SYNE2: variants seen among roughly 807,000 people sequenced by gnomAD.
SYNE2 encodes spectrin repeat containing nuclear envelope protein 2, also known as nesprin-2.
Under a neutral mutation model 856.3 loss-of-function variants are expected in SYNE2, and 431 were observed. That is an observed-to-expected ratio of 0.50 (90% CI 0.47 to 0.55). The LOEUF is 0.55. Among genes scored for constraint, SYNE2 ranks in the 20% least tolerant of loss-of-function variants. SYNE2 has a pLI of 0.00. For missense variants in SYNE2, 8,129 were observed against 8,023.2 expected (o/e 1.01, Z -0.50); for synonymous variants, 2,923 against 2,872.3 (o/e 1.02, Z -0.56).
In SYNE2 at chr14:64,070,815, C is replaced by T; in HGVS notation, c.10602C>T (p.Arg3534=). The part of the protein sequence containing the change: ...QQLLLTLLLQ[R]IRSIQNVPES... ...TGTTACTGACTCTACTTCTTCAGCG[C>T]ATCAGAAGTATCCAGAATGTTCCTG... The change falls in exon 52 of 116, where the codon CGC becomes CGT. Residue 3534 remains arginine, a synonymous_variant. Coordinates refer to ENST00000555002, the MANE Select transcript of SYNE2 (RefSeq NM_182914.3). The T allele has an allele frequency of 6.2e-7, 1 of 1,614,192 alleles. No individual in the cohort carries two copies. Among genetic ancestry groups the T allele is most frequent in the East Asian group, 2.2e-5 (1 of 44,886 alleles).
chr14:64,130,507 A>G (rs1170985179), intron 76 of SYNE2, among the ~76,000 whole-genome samples: 1 of 152,224 alleles, frequency 6.6e-6, no homozygotes, highest in African/African-American at 2.4e-5. Context: ...ATTTATCAAC[A>G]AGTCTTCAAA....
chr14:63,766,677 C>A (rs1886697738), intron 1 of SYNE2, among the ~76,000 whole-genome samples: 1 of 152,178 alleles, frequency 6.6e-6, no homozygotes, highest in African/African-American at 2.4e-5. Context: ...AATTCTGGGA[C>A]AACGTTGTTT....
At position 64,134,206 on chromosome 14, in the gene SYNE2, T is replaced by A. The variant is rs369760846; in HGVS notation, c.14646+6T>A. 6.8e-6 allele frequency: 11 copies of A among 1,613,938 alleles called. No homozygotes were observed. The African/African-American group carries it at 9.3e-5, about 14-fold the overall frequency. ...AAAGGATTTCATTTTACCAGGTATT[T>A]GTCTTCCATTTAAGTTATCAAAGGC... On this transcript the variant is annotated splice_donor_region_variant and intron_variant, in intron 78 of 115. Transcript: ENST00000555002.
chr14:64,112,940 T>G (rs2097823358), intron 65 of SYNE2: 1 of 934,684 alleles, frequency 1.1e-6, no homozygotes, highest in Non-Finnish European at 1.3e-6. Flanking sequence ...GTTTTTCTGT[T>G]GGAATAGAGT....
At chr14:64,075,616 GC>G in intron 53 of SYNE2, 1 of 83,162 alleles carries the variant, frequency 1.2e-5, no homozygotes, top group South Asian at 3.3e-4. Flanking sequence ...TTTTTTTTTT[GC>G]TGCTTGCAGC....
chr14:63,957,117 CT>C (rs534383053), intron 8 of SYNE2, among the ~76,000 whole-genome samples: 376 of 143,482 alleles, frequency 2.6e-3, no homozygotes, highest in Middle Eastern at 7.1e-3. Context: ...TACTTCATTC[CT>C]TTTTTTTTTT....
chr14:64,046,919 G>A (rs1304713678), intron 45 of SYNE2, among the ~76,000 whole-genome samples: 2 of 152,214 alleles, frequency 1.3e-5, no homozygotes, highest in East Asian at 1.9e-4. Context: ...CCCTAGAAAG[G>A]GGTATTACAG....
At chr14:64,085,496 T>C (rs1283976837) in intron 57 of SYNE2, among the ~76,000 whole-genome samples, 1 of 152,242 alleles carries the variant, frequency 6.6e-6, no homozygotes, top group Admixed American at 6.5e-5. Flanking sequence ...TATAAATCTT[T>C]GTGTAGACAA....
At chr14:64,153,579 G>A (rs2098262563) in intron 85 of SYNE2, among the ~76,000 whole-genome samples, 1 of 152,162 alleles carries the variant, frequency 6.6e-6, no homozygotes, top group Non-Finnish European at 1.5e-5. Context: ...CATTCCCCCA[G>A]GAATGTAGCA....
At position 64,107,544 on chromosome 14, in the gene SYNE2, A is replaced by G; in HGVS notation, c.12546A>G (p.Thr4182=). ...ATAATTCCATGGCACAAATCCTCAC[A>G]CCAGACTCACTAAACACTGAGCAAG... ...TSDNSMAQIL[T]PDSLNTEQGP... is the part of the protein sequence containing the mutation. The change falls in exon 65 of 116, where the codon ACA becomes ACG. Residue 4182 remains threonine (T), a synonymous_variant. Coordinates refer to ENST00000555002, the MANE Select transcript of SYNE2 (RefSeq NM_182914.3). 6.2e-7 allele frequency: 1 copy of G among 1,614,152 alleles called. No individual in the cohort carries two copies. The highest frequency in any genetic ancestry group is 8.5e-7 in the Non-Finnish European group (1 of 1,180,034).
At chr14:64,132,572 AC>A in intron 77 of SYNE2, 134 bp downstream of exon 77, 1 of 1,211,518 alleles carries the variant, frequency 8.3e-7, no homozygotes. Context: ...AGGAATGTGG[AC>A]CCCTGCTCAG....
intron 16 of SYNE2, among the ~76,000 whole-genome samples, chr14:63,982,390 C>T (rs2096592225): frequency 6.6e-6 from 1 of 152,028 alleles, no homozygotes; most frequent in African/African-American, 2.4e-5. Context: ...ACAGGGATGG[C>T]AGACTCCTCT....
In SYNE2 at chr14:64,113,393, G is replaced by A; in HGVS notation, c.12662G>A (p.Gly4221Glu). 1.9e-6 allele frequency: 3 copies of A among 1,614,138 alleles called. No homozygotes were observed. The highest frequency in any genetic ancestry group is 1.7e-4 in the Middle Eastern group (1 of 6,030). The change falls in exon 66 of 116, where the codon GGA becomes GAA. Residue 4221 changes from glycine to glutamate, a missense_variant. Transcript: ENST00000555002. ...ADTLDSSDAQGGLEPRVEKTR... is the reference protein window; with the variant it reads ...ADTLDSSDAQEGLEPRVEKTR... The stretch of plus-strand genomic sequence containing the variant: ...ACTCTGGACTCTTCTGACGCGCAAG[G>A]AGGTTTGGAGCCCAGGGTGGAGAAA...
chr14:64,046,169 C>A (rs1200533748), intron 45 of SYNE2, among the ~76,000 whole-genome samples: 1 of 152,144 alleles, frequency 6.6e-6, no homozygotes, highest in Admixed American at 6.5e-5. Context: ...CTCAGGGCTC[C>A]ACAAATATTT....
intron 64 of SYNE2, among the ~76,000 whole-genome samples, chr14:64,105,189 C>G (rs1378455758): frequency 6.6e-6 from 1 of 152,184 alleles, no homozygotes; most frequent in Non-Finnish European, 1.5e-5. Flanking sequence ...TTTACAGTCT[C>G]CAATTGTTTT....
In SYNE2 at chr14:64,027,726, C is replaced by T; in HGVS notation, c.6647C>T (p.Pro2216Leu). 1 of 1,614,012 alleles carries T rather than the reference C, an allele frequency of 6.2e-7. No homozygotes were observed. The highest frequency in any genetic ancestry group is 8.5e-7 in the Non-Finnish European group (1 of 1,179,970). Residue 2216 changes from proline to leucine, a missense_variant, in exon 43 of 116, where the codon CCC (proline) becomes CTC (leucine). Physicochemically the swap from Pro to Leu is moderately conservative, Grantham distance 98 (BLOSUM62 -3). This residue lies in a region of SYNE2 where 297 missense variants were observed against 380.9 expected (regional missense o/e 0.78). Coordinates refer to ENST00000555002, the MANE Select transcript of SYNE2 (RefSeq NM_182914.3). ...TACCTCTTGGAGTGCACTAAAAATC[C>T]CAGCTTCAGTGAAGAGCCTTGGCTG... ...GNYLLECTKN[P>L]SFSEEPWLEI...
At chr14:64,120,559 T>C (rs901042555) in intron 67 of SYNE2, among the ~76,000 whole-genome samples, 1 of 151,800 alleles carries the variant, frequency 6.6e-6, no homozygotes, top group African/African-American at 2.4e-5. Context: ...AGGTCAGGAG[T>C]TTGAGACCAG....
chr14:64,182,493 A>T (rs531557690), intron 96 of SYNE2, among the ~76,000 whole-genome samples: 1 of 152,254 alleles, frequency 6.6e-6, no homozygotes, highest in African/African-American at 2.4e-5. Flanking sequence ...CAGATAAACA[A>T]GTGAACAAAG....
chr14:64,027,725 C>G lies in SYNE2; in HGVS notation c.6646C>G (p.Pro2216Ala). The G allele has an allele frequency of 1.9e-6, 3 of 1,614,088 alleles. No homozygotes were observed. The highest frequency in any genetic ancestry group is 2.5e-6 in the Non-Finnish European group (3 of 1,179,984). The change falls in exon 43 of 116, where the codon CCC becomes GCC. Residue 2216 changes from proline (P) to alanine (A), a missense_variant. Around this residue, in one of 3 missense-constraint regions of SYNE2, gnomAD observed 297 missense variants for 380.9 expected, o/e 0.78. Transcript: ENST00000555002. ...CTACCTCTTGGAGTGCACTAAAAATCCCAGCTTCAGTGAAGAGCCTTGGCT... is the reference window on the plus strand; with the variant it reads ...CTACCTCTTGGAGTGCACTAAAAATGCCAGCTTCAGTGAAGAGCCTTGGCT... Reference protein sequence around the residue: ...GNYLLECTKNPSFSEEPWLEI... With the variant: ...GNYLLECTKNASFSEEPWLEI...
Sources: allele counts gnomAD v4.1 joint callset (sites outside exome capture counted in the v4.1 genomes callset), GRCh38; gene constraint gnomAD v4.1.1; regional missense constraint gnomAD v4.1.1; transcripts MANE v1.5; gene names NCBI Gene and HGNC (gene_info 2026-07-23, HGNC 2026-07-21).